Variants in NTRK3 observed in about 807,000 individuals in gnomAD.
NTRK3 encodes the protein neurotrophic receptor tyrosine kinase 3, also known as NT-3 growth factor receptor.
A neutral mutation model predicts 91.7 loss-of-function variants in NTRK3; 24 were observed. That is an observed-to-expected ratio of 0.26 (90% confidence interval 0.19 to 0.37). The LOEUF is 0.37. NTRK3 is among the 10% of genes least tolerant of loss of function. The probability of loss-of-function intolerance (pLI) is 1.00; values close to 1 mark genes in which losing one functional copy is unlikely to be tolerated. For missense variants in NTRK3, 880 were observed against 1,068.9 expected (o/e 0.82, Z 2.46); for synonymous variants, 483 against 404.0 (o/e 1.20, Z -2.34).
chr15:88,256,513 G>A (rs1456940691), intron 1 of NTRK3, 27 bp from the exon 2 acceptor site: 5 of 501,886 alleles, frequency 1.0e-5, no homozygotes, highest in African/African-American at 2.2e-5. Flanking sequence ...CAGACGGTGG[G>A]GAGGCAAAAA....
chr15:88,113,939 C>T (rs1057118531), intron 13 of NTRK3, among the ~76,000 whole-genome samples: 2 of 152,128 alleles, frequency 1.3e-5, no homozygotes, highest in Non-Finnish European at 1.5e-5. Context: ...AATGCAAATT[C>T]CCAGGGCCTA....
chr15:88,199,558 G>T (rs748174939), intron 3 of NTRK3, among the ~76,000 whole-genome samples: 1 of 152,184 alleles, frequency 6.6e-6, no homozygotes, highest in Non-Finnish European at 1.5e-5. Context: ...GAGGCCCAAG[G>T]CACCATCCCA....
chr15:88,210,889 C>T (rs2049183746), intron 3 of NTRK3, among the ~76,000 whole-genome samples: 1 of 152,082 alleles, frequency 6.6e-6, no homozygotes, highest in Admixed American at 6.6e-5. Flanking sequence ...GAGCAGTGAG[C>T]AGGGAGGGAA....
chr15:88,072,850 G>C (rs1017195975), intron 13 of NTRK3: 5 of 232,990 alleles, frequency 2.1e-5, no homozygotes, highest in Non-Finnish European at 3.4e-5. Context: ...GGCCAATCCG[G>C]AGTTATGCGT....
chr15:87,907,062 C>T (rs1242670791), intron 17 of NTRK3, among the ~76,000 whole-genome samples: 1 of 152,104 alleles, frequency 6.6e-6, no homozygotes, highest in Non-Finnish European at 1.5e-5. Context: ...CCTTTTCATT[C>T]TCAGAAGGGT....
intron 14 of NTRK3, among the ~76,000 whole-genome samples, chr15:87,952,655 C>T (rs1246810279): frequency 6.6e-6 from 1 of 152,216 alleles, no homozygotes; most frequent in Non-Finnish European, 1.5e-5. Flanking sequence ...CATCTCCTTC[C>T]GCGTGACCTC....
rs8026712 is a variant in NTRK3 at position 88,075,553 on chromosome 15, C to T, written c.1397-42508G>A. Among the ~76,000 whole-genome samples the T allele has an allele frequency of 5.9e-3, 901 of 151,440 alleles. 10 individuals are homozygous for T. The highest frequency in any genetic ancestry group is 0.028 in the Middle Eastern group (8 of 290). ...CCACTTCACCCTAACCATTCACATT[C>T]CCTTCTTATAAGTCTCCAAAGGAGA... On this transcript the variant is annotated intron_variant, in intron 13 of 18. Coordinates refer to ENST00000394480, the Ensembl canonical transcript of NTRK3.
intron 18 of NTRK3, among the ~76,000 whole-genome samples, chr15:87,878,437 C>G (rs1452088474): frequency 6.6e-6 from 1 of 152,160 alleles, no homozygotes; most frequent in Non-Finnish European, 1.5e-5. Flanking sequence ...TACGATGGCC[C>G]CTTGGCTCAT....
intron 17 of NTRK3, among the ~76,000 whole-genome samples, chr15:87,897,340 T>C (rs1276646609): frequency 6.6e-6 from 1 of 152,156 alleles, no homozygotes; most frequent in Non-Finnish European, 1.5e-5. Context: ...CACCTCATTG[T>C]CCTTTACTGC....
At chr15:87,984,647 T>G (rs1250037852) in intron 14 of NTRK3, among the ~76,000 whole-genome samples, 2 of 152,222 alleles carry the variant, frequency 1.3e-5, no homozygotes, top group Admixed American at 1.3e-4. Flanking sequence ...ATGTGCCTTT[T>G]ATTTTATTTT....
At chr15:88,200,552 T>A (rs888694317) in intron 3 of NTRK3, among the ~76,000 whole-genome samples, 1 of 152,166 alleles carries the variant, frequency 6.6e-6, no homozygotes, top group Non-Finnish European at 1.5e-5. Flanking sequence ...TGATAATGGG[T>A]GAGTTCTCAC....
At chr15:88,183,325 C>T (rs2046675273) in intron 5 of NTRK3, 93 bp downstream of exon 5, 2 of 1,342,566 alleles carry the variant, frequency 1.5e-6, no homozygotes, top group African/African-American at 2.9e-5. Context: ...CCCCTGGAGG[C>T]AAAAAGCCAG....
intron 3 of NTRK3, among the ~76,000 whole-genome samples, chr15:88,210,453 A>G (rs551827625): frequency 1.3e-5 from 2 of 152,360 alleles, no homozygotes; most frequent in South Asian, 4.1e-4. Flanking sequence ...AATGTCCTGT[A>G]TCTCAAGCAG....
chr15:88,133,269 A>T (rs371596612), intron 10 of NTRK3, among the ~76,000 whole-genome samples: 1 of 152,134 alleles, frequency 6.6e-6, no homozygotes, highest in East Asian at 1.9e-4. Flanking sequence ...TATCTCTGAG[A>T]TAGCTCTGAG....
At chr15:88,193,698 A>G (rs1475923781) in intron 3 of NTRK3, among the ~76,000 whole-genome samples, 1 of 151,966 alleles carries the variant, frequency 6.6e-6, no homozygotes. Context: ...TGGACTTTCT[A>G]CCCGGCCTCA....
At chr15:87,936,097 G>A (rs182348121) in intron 15 of NTRK3, among the ~76,000 whole-genome samples, 1 of 152,246 alleles carries the variant, frequency 6.6e-6, no homozygotes. Flanking sequence ...CTCTCCGTGG[G>A]GTCCACATTT....
At chr15:88,248,685 AG>A (rs60659119) in intron 3 of NTRK3, among the ~76,000 whole-genome samples, 2,745 of 152,278 alleles carry the variant, frequency 0.018, 80 homozygotes, top group African/African-American at 0.059. Context: ...CTCTGCACTC[AG>A]TTTCCCCATC....
At chr15:87,909,681 A>G (rs1011030972) in intron 17 of NTRK3, among the ~76,000 whole-genome samples, 6 of 152,230 alleles carry the variant, frequency 3.9e-5, no homozygotes, top group African/African-American at 1.4e-4. Context: ...CAAGTTCTTC[A>G]GAATATGACT....
At chr15:88,165,903 G>T (rs1374719475) in intron 5 of NTRK3, among the ~76,000 whole-genome samples, 1 of 152,164 alleles carries the variant, frequency 6.6e-6, no homozygotes, top group East Asian at 1.9e-4. Flanking sequence ...GCAAGAAGTT[G>T]TCTTGATCTC....
Sources: gnomAD v4.1 joint callset for allele counts (sites outside exome capture counted in the v4.1 genomes callset) on GRCh38, gnomAD v4.1.1 for gene constraint, MANE v1.5 for transcripts, NCBI Gene and HGNC (gene_info 2026-07-23, HGNC 2026-07-21) for gene names.